Variants in SH3D19 observed in about 807,000 individuals in gnomAD.
SH3D19 encodes SH3 domain containing 19.
In SH3D19, 58 loss-of-function variants were observed where a neutral mutation model predicts 112.1. The ratio of observed to expected loss-of-function variants is 0.52; its 90% CI spans 0.42 to 0.64. The LOEUF (loss-of-function observed/expected upper bound fraction) is 0.64, where lower values mean the gene tolerates loss of function less well. Ranked by LOEUF, SH3D19 falls within the 30% of genes least tolerant of loss-of-function variation. The probability of loss-of-function intolerance (pLI) is 0.00; values close to 1 mark genes in which losing one functional copy is unlikely to be tolerated. For synonymous variants in SH3D19, 391 were observed against 448.5 expected, an observed-to-expected ratio of 0.87 and a Z score of 1.62; for missense variants, 1,090 against 1,263.4, an observed-to-expected ratio of 0.86 and a Z score of 2.08.
At chr4:151,196,287 T>C (rs1029364923) in intron 2 of SH3D19, among the ~76,000 whole-genome samples, 3 of 152,142 alleles carry the variant, frequency 2.0e-5, no homozygotes, top group African/African-American at 7.2e-5. Context: ...TAACTGGATG[T>C]GGTGGTGCGT....
chr4:151,182,458 A>C (rs992952832), intron 3 of SH3D19, among the ~76,000 whole-genome samples: 5 of 152,238 alleles, frequency 3.3e-5, no homozygotes, highest in Admixed American at 2.0e-4. Context: ...CTGCCCGTTC[A>C]CACCAGAGGT....
intron 13 of SH3D19, 141 bp downstream of exon 13, chr4:151,139,634 G>A (rs892695528): frequency 3.0e-6 from 2 of 677,200 alleles, no homozygotes; most frequent in Non-Finnish European, 5.0e-6. Flanking sequence ...GTGGAGTCCT[G>A]GATAAGATGA....
intron 2 of SH3D19, among the ~76,000 whole-genome samples, chr4:151,222,382 G>T (rs531482286): frequency 1.3e-5 from 2 of 152,006 alleles, no homozygotes; most frequent in South Asian, 2.1e-4. Context: ...GCTCATCCTG[G>T]GTTTTTTCCC....
chr4:151,127,817 A>T (rs1205404468), intron 18 of SH3D19, 102 bp from the exon 19 acceptor site: 1 of 590,706 alleles, frequency 1.7e-6, no homozygotes, highest in Non-Finnish European at 2.8e-6. Context: ...AAAACACAGT[A>T]TCTTCTCTTC....
intron 1 of SH3D19, among the ~76,000 whole-genome samples, chr4:151,241,258 C>T (rs1770532546): frequency 6.6e-6 from 1 of 151,966 alleles, no homozygotes; most frequent in South Asian, 2.1e-4. Flanking sequence ...TGCCACTGCA[C>T]TCCAGCCTGG....
At chr4:151,186,060 T>A (rs1375972069) in intron 3 of SH3D19, among the ~76,000 whole-genome samples, 1 of 152,026 alleles carries the variant, frequency 6.6e-6, no homozygotes. Flanking sequence ...AACAACCAAG[T>A]TATGTTTCTA....
intron 1 of SH3D19, among the ~76,000 whole-genome samples, chr4:151,314,519 T>TCA (rs1729803183): frequency 6.6e-6 from 1 of 152,138 alleles, no homozygotes; most frequent in Non-Finnish European, 1.5e-5. Context: ...ATGTCCAAGG[T>TCA]CACACTACAG....
intron 9 of SH3D19, among the ~76,000 whole-genome samples, chr4:151,157,271 A>T (rs1417992255): frequency 6.6e-6 from 1 of 151,854 alleles, no homozygotes; most frequent in Admixed American, 6.6e-5. Flanking sequence ...AAAAAAAAAA[A>T]CGGCAAATGA....
Position 151,250,297 on chromosome 4 carries a change from C to T in SH3D19, c.113-24211G>A, listed in dbSNP as rs184052997. Among the ~76,000 whole-genome samples the T allele has an allele frequency of 3.1e-3, 470 of 152,208 alleles. 1 individual carries two copies. The highest frequency in any genetic ancestry group is 9.9e-3 in the African/African-American group (413 of 41,512). On this transcript the variant is annotated intron_variant, in intron 1 of 19. Coordinates refer to ENST00000604030, the MANE Select transcript of SH3D19 (RefSeq NM_001378122.1). The stretch of plus-strand genomic sequence containing the variant: ...CTTCTGTATGTGGAATGTTATGCAG[C>T]TATTTTAAAGAACAGTAATCAGGTC...
At position 151,174,803 on chromosome 4, in the gene SH3D19, TG is replaced by T. The variant is rs1397056973; in HGVS notation, c.1400del (p.Pro467GlnfsTer45). The T allele has an allele frequency of 2.6e-6, 4 of 1,562,004 alleles. No homozygotes were observed. Among genetic ancestry groups the T allele is most frequent in the South Asian group, 1.2e-5 (1 of 80,660 alleles). On this transcript the variant is annotated frameshift_variant, in exon 7 of 20. Transcript: ENST00000604030. LOFTEE classifies it high-confidence loss of function. ...GCAGAACTGGAACTGGGGGGTTGGCTGGGGGCCCTTCTCCCAGTGACTTGTA... is the reference window on the plus strand; with the variant it reads ...GCAGAACTGGAACTGGGGGGTTGGCTGGGGCCCTTCTCCCAGTGACTTGTA... ...KAYKSLGEGP[P>X]ANPPVPVLQS...
intron 1 of SH3D19, among the ~76,000 whole-genome samples, chr4:151,276,849 C>A (rs1561422554): frequency 6.6e-6 from 1 of 152,202 alleles, no homozygotes; most frequent in African/African-American, 2.4e-5. Flanking sequence ...CACCTTCTAT[C>A]TCCTTGCTAG....
intron 1 of SH3D19, among the ~76,000 whole-genome samples, chr4:151,308,465 G>C (rs1490010389): frequency 2.0e-5 from 3 of 152,202 alleles, no homozygotes; most frequent in Non-Finnish European, 4.4e-5. Flanking sequence ...GGCATTTCTA[G>C]GTGAGCCATG....
intron 2 of SH3D19, among the ~76,000 whole-genome samples, chr4:151,211,406 A>G (rs999293001): frequency 6.6e-6 from 1 of 152,094 alleles, no homozygotes; most frequent in African/African-American, 2.4e-5. Context: ...AATTAGGGCA[A>G]TTCATAATCC....
At chr4:151,235,441 A>T (rs1426088234) in intron 1 of SH3D19, among the ~76,000 whole-genome samples, 1 of 152,224 alleles carries the variant, frequency 6.6e-6, no homozygotes, top group Non-Finnish European at 1.5e-5. Context: ...CAATTAAAAA[A>T]ATTTATTTAA....
At chr4:151,176,740 T>C in intron 5 of SH3D19, 53 bp from the exon 6 acceptor site, 7 of 1,228,504 alleles carry the variant, frequency 5.7e-6, no homozygotes, top group Non-Finnish European at 7.1e-6. Flanking sequence ...AGCTAAGGTG[T>C]TGACAGTCTC....
At chr4:151,265,111 C>T (rs1772674874) in intron 1 of SH3D19, among the ~76,000 whole-genome samples, 1 of 151,632 alleles carries the variant, frequency 6.6e-6, no homozygotes, top group African/African-American at 2.4e-5. Context: ...GCTTTCCATA[C>T]ATATAAAAAA....
chr4:151,314,410 T>A (rs1463265017), intron 1 of SH3D19, among the ~76,000 whole-genome samples: 1 of 152,174 alleles, frequency 6.6e-6, no homozygotes, highest in Non-Finnish European at 1.5e-5. Flanking sequence ...ACAAGCATGT[T>A]CCCCATAATG....
chr4:151,137,403 G>A (rs1442287986), intron 14 of SH3D19, among the ~76,000 whole-genome samples: 1 of 152,124 alleles, frequency 6.6e-6, no homozygotes, highest in Non-Finnish European at 1.5e-5. Context: ...TAGTATCACT[G>A]AATTCATGTT....
At chr4:151,153,484 T>C (rs1018741958) in intron 9 of SH3D19, among the ~76,000 whole-genome samples, 5 of 152,072 alleles carry the variant, frequency 3.3e-5, no homozygotes, top group Non-Finnish European at 2.9e-5. Flanking sequence ...TGACCTCAGG[T>C]GATCCACCTG....
Sources: allele counts gnomAD v4.1 joint callset (sites outside exome capture counted in the v4.1 genomes callset), GRCh38; gene constraint gnomAD v4.1.1; transcripts MANE v1.5; gene names NCBI Gene and HGNC (gene_info 2026-07-23, HGNC 2026-07-21).